The following L2HGDH variants were observed in gnomAD, a reference collection of about 807,000 sequenced individuals.
L2HGDH encodes L-2-hydroxyglutarate dehydrogenase.
Under a neutral mutation model 51.5 loss-of-function variants are expected in L2HGDH, and 34 were observed. The observed-to-expected ratio is 0.66, with a 90% CI of 0.50 to 0.88. L2HGDH has a LOEUF of 0.88. Ranked by LOEUF, L2HGDH falls within the 40% of genes least tolerant of loss-of-function variation. L2HGDH has a pLI of 0.00. For synonymous variants in L2HGDH, 198 were observed against 197.9 expected, an observed-to-expected ratio of 1.00 and a Z score of -0.01; for missense variants, 558 against 571.9, an observed-to-expected ratio of 0.98 and a Z score of 0.25.
intron 3 of L2HGDH, among the ~76,000 whole-genome samples, chr14:50,298,577 G>A (rs2030217631): frequency 6.6e-6 from 1 of 152,142 alleles, no homozygotes; most frequent in South Asian, 2.1e-4. Context: ...GCCTCCCAAA[G>A]TGCTGGGATT....
chr14:50,264,404 C>T (rs1227236498), intron 9 of L2HGDH, among the ~76,000 whole-genome samples: 2 of 152,006 alleles, frequency 1.3e-5, no homozygotes, highest in African/African-American at 2.4e-5. Context: ...ATAAAAGATG[C>T]AAGTTGTCCT....
In L2HGDH at chr14:50,283,854, A is replaced by C. The variant is rs1347722009; in HGVS notation, c.703+17T>G. The C allele has an allele frequency of 6.2e-7, 1 of 1,611,402 alleles. No individual in the cohort carries two copies. The highest frequency in any genetic ancestry group is 2.2e-5 in the East Asian group (1 of 44,846). On this transcript the variant is annotated intron_variant, in intron 5 of 9. Coordinates refer to ENST00000267436, the MANE Select transcript of L2HGDH (RefSeq NM_024884.3). Reference sequence around the variant, plus strand: ...GAGGGCTGACTATATTCAATAGAAAAGACAAGGATGGCTTACCATCTATAC... The same window carrying C: ...GAGGGCTGACTATATTCAATAGAAACGACAAGGATGGCTTACCATCTATAC...
At chr14:50,275,793 T>A (rs1270642171) in intron 6 of L2HGDH, among the ~76,000 whole-genome samples, 1 of 152,244 alleles carries the variant, frequency 6.6e-6, no homozygotes, top group African/African-American at 2.4e-5. Context: ...AGTCTGGAAA[T>A]TGAGGTAGAA....
chr14:50,310,758 CTT>C (rs2031072026), intron 1 of L2HGDH, among the ~76,000 whole-genome samples: 1 of 151,982 alleles, frequency 6.6e-6, no homozygotes, highest in Admixed American at 6.6e-5. Flanking sequence ...ACTAGCCCTA[CTT>C]TTCTTTCCTT....
At chr14:50,272,534 G>A (rs187153066) in intron 6 of L2HGDH, among the ~76,000 whole-genome samples, 9 of 152,264 alleles carry the variant, frequency 5.9e-5, no homozygotes, top group Admixed American at 3.3e-4. Flanking sequence ...GTTTTTGGAG[G>A]AAAGTTATAT....
chr14:50,302,309 C>T (rs1160553101), intron 2 of L2HGDH, 141 bp from the exon 3 acceptor site: 1 of 817,284 alleles, frequency 1.2e-6, no homozygotes, highest in African/African-American at 1.7e-5. Context: ...TCACTGGTAA[C>T]TTCTTCTAAC....
At position 50,247,120 on chromosome 14, in the gene L2HGDH, TAGC is replaced by T; in HGVS notation, c.1327_1329del (p.Ala443del). 6.2e-7 allele frequency: 1 copy of T among 1,614,040 alleles called. No individual in the cohort carries two copies. ...ATTCCAGAAATTGCAATGGAAGAAG[TAGC>T]AGCAGGAGAAGGTGCATTTCTCACA... is the stretch of plus-strand genomic sequence containing the variant. On this transcript the variant is annotated inframe_deletion, in exon 10 of 10. Coordinates refer to ENST00000267436, the MANE Select transcript of L2HGDH (RefSeq NM_024884.3).
chr14:50,299,577 A>C (rs1179921110), intron 3 of L2HGDH, among the ~76,000 whole-genome samples: 4 of 152,200 alleles, frequency 2.6e-5, no homozygotes, highest in Non-Finnish European at 5.9e-5. Flanking sequence ...TCCTTAACAA[A>C]ATACTAGCAA....
chr14:50,300,902 G>A (rs2139209823), intron 3 of L2HGDH, among the ~76,000 whole-genome samples: 1 of 152,160 alleles, frequency 6.6e-6, no homozygotes, highest in Non-Finnish European at 1.5e-5. Flanking sequence ...ATGGATCACT[G>A]CAGCCTTGAT....
chr14:50,291,612 G>A (rs916646444), intron 4 of L2HGDH, among the ~76,000 whole-genome samples: 9 of 152,156 alleles, frequency 5.9e-5, no homozygotes, highest in African/African-American at 1.9e-4. Context: ...CAGCGTCTTA[G>A]GAGCTTTACA....
chr14:50,248,929 A>G (rs1272542973), intron 9 of L2HGDH, among the ~76,000 whole-genome samples: 2 of 152,180 alleles, frequency 1.3e-5, no homozygotes, highest in African/African-American at 2.4e-5. Flanking sequence ...TGCATCGCCA[A>G]TGCCACCCCT....
chr14:50,277,196 G>A (rs1026240122), intron 6 of L2HGDH, among the ~76,000 whole-genome samples: 3 of 132,556 alleles, frequency 2.3e-5, no homozygotes, highest in African/African-American at 8.1e-5. Context: ...AAAGTAGACT[G>A]TTTTTTTTTT....
chr14:50,306,584 GT>G (rs1390139868), intron 1 of L2HGDH, among the ~76,000 whole-genome samples: 30 of 132,190 alleles, frequency 2.3e-4, no homozygotes, highest in Middle Eastern at 4.0e-3. Context: ...TTTTTGGGGG[GT>G]TTTTTTGTTT....
chr14:50,277,666 G>T lies in L2HGDH; in HGVS notation c.738+854C>A, dbSNP rs368461224. Among the ~76,000 whole-genome samples the T allele has an allele frequency of 3.0e-4, 46 of 151,700 alleles. No homozygotes were observed. In the East Asian group the frequency reaches 7.2e-3, roughly 24 times the overall value. On this transcript the variant is annotated intron_variant, in intron 6 of 9. Coordinates refer to ENST00000267436, the MANE Select transcript of L2HGDH (RefSeq NM_024884.3). ...TGGCGGGCGCCTGTCCCAGCTACTC[G>T]GGAGGCTGAGGCAGGAGAATGGTGT...
At chr14:50,274,455 G>A (rs1275343167) in intron 6 of L2HGDH, among the ~76,000 whole-genome samples, 2 of 152,186 alleles carry the variant, frequency 1.3e-5, no homozygotes, top group East Asian at 3.9e-4. Context: ...TTATCAAAAA[G>A]ACAAAAGAAA....
intron 4 of L2HGDH, among the ~76,000 whole-genome samples, chr14:50,287,693 T>A (rs1890638665): frequency 7.5e-5 from 9 of 119,826 alleles, no homozygotes; most frequent in Admixed American, 4.7e-4. Context: ...TTTTTTTCCT[T>A]TTTTTTTTTT....
chr14:50,280,437 T>G (rs985425311), intron 5 of L2HGDH, among the ~76,000 whole-genome samples: 4 of 152,130 alleles, frequency 2.6e-5, no homozygotes, highest in Non-Finnish European at 4.4e-5. Flanking sequence ...AAGTGTGGGA[T>G]TACAGGCGTG....
rs12433038 is a variant in L2HGDH, at chr14:50,283,859, A to G, written c.703+12T>C. 0.55 allele frequency: 887,072 copies of G among 1,609,744 alleles called. 246,774 individuals carry two copies. Among genetic ancestry groups the G allele is most frequent in the East Asian group, 0.64 (28,609 of 44,828 alleles). On this transcript the variant is annotated intron_variant, in intron 5 of 9. Coordinates refer to ENST00000267436, the MANE Select transcript of L2HGDH (RefSeq NM_024884.3). ...CTGACTATATTCAATAGAAAAGACA[A>G]GGATGGCTTACCATCTATACTTCTT... is the stretch of plus-strand genomic sequence containing the variant.
chr14:50,251,957 T>TA (rs995605407), intron 9 of L2HGDH, among the ~76,000 whole-genome samples: 1 of 151,928 alleles, frequency 6.6e-6, no homozygotes, highest in African/African-American at 2.4e-5. Flanking sequence ...CAAGCACACA[T>TA]AAAAAACACA....
Sources: allele counts gnomAD v4.1 joint callset (sites outside exome capture counted in the v4.1 genomes callset), GRCh38; gene constraint gnomAD v4.1.1; transcripts MANE v1.5; gene names NCBI Gene and HGNC (gene_info 2026-07-23, HGNC 2026-07-21).